MICALL2: variants seen among roughly 807,000 people sequenced by gnomAD.
The protein encoded by MICALL2 is MICAL like 2.
MICALL2 carries 111 observed loss-of-function variants against 91.1 expected under a neutral mutation model. The observed-to-expected ratio is 1.22, with a 90% CI of 1.04 to 1.43. MICALL2 has a LOEUF of 1.43. Among genes scored for constraint, MICALL2 ranks in the 40% most tolerant of loss-of-function variants. The pLI is 0.00. For synonymous variants in MICALL2, 694 were observed against 525.3 expected (o/e 1.32, Z -4.39); for missense variants, 1,556 against 1,236.0 (o/e 1.26, Z -3.88).
chr7:1,438,492 G>A (rs955699437), intron 10 of MICALL2, 139 bp from the exon 11 acceptor site: 11 of 1,471,410 alleles, frequency 7.5e-6, no homozygotes, highest in Admixed American at 2.2e-5. Flanking sequence ...CACGCCCACT[G>A]GACTGCCCTG....
chr7:1,442,360 C>G lies in MICALL2; in HGVS notation c.1543G>C (p.Glu515Gln), dbSNP rs1245854782. The change falls in exon 7 of 17, where the codon GAA (glutamate) becomes CAA (glutamine). Residue 515 changes from glutamate (E) to glutamine (Q), a missense_variant. Glu to Gln is a conservative substitution (Grantham distance 29, BLOSUM62 2). Coordinates refer to ENST00000297508, the MANE Select transcript of MICALL2 (RefSeq NM_182924.4). ...CTCGTGCTCAGCGGGGCTGGCGGTTCCATCCTCGAAGGGAGGCCAAGCACC... is the reference window on the plus strand; with the variant it reads ...CTCGTGCTCAGCGGGGCTGGCGGTTGCATCCTCGAAGGGAGGCCAAGCACC... ...PRVLGLPSRM[E>Q]PPAPLSTSST... The G allele has an allele frequency of 1.2e-6, 2 of 1,612,282 alleles. No homozygotes were observed. The highest frequency in any genetic ancestry group is 2.2e-5 in the South Asian group (2 of 90,988).
intron 1 of MICALL2, among the ~76,000 whole-genome samples, chr7:1,453,459 C>G (rs370112589): frequency 3.5e-4 from 54 of 152,308 alleles, no homozygotes; most frequent in African/African-American, 1.3e-3. Context: ...CCTGCTCACA[C>G]CTCCGTCCGG....
chr7:1,436,514 C>T (rs980883200), intron 15 of MICALL2, among the ~76,000 whole-genome samples: 1 of 148,652 alleles, frequency 6.7e-6, no homozygotes, highest in South Asian at 2.1e-4. Flanking sequence ...GATCGCACCA[C>T]TGCACTCCAG....
At chr7:1,447,371 A>C (rs542507959) in intron 4 of MICALL2, among the ~76,000 whole-genome samples, 7 of 151,946 alleles carry the variant, frequency 4.6e-5, no homozygotes, top group Non-Finnish European at 1.0e-4. Context: ...CCATCTGTAC[A>C]AAGTGGGATC....
In MICALL2 at chr7:1,435,128, T is replaced by C. The variant is rs762878613; in HGVS notation, c.2611A>G (p.Met871Val). The C allele has an allele frequency of 5.0e-6, 8 of 1,613,406 alleles. No homozygotes were observed. Among genetic ancestry groups the C allele is most frequent in the East Asian group, 2.2e-5 (1 of 44,880 alleles). ...DRLREQEEDQ[M>V]LRDMIEKLGL... ...AGCTTCTCAATCATGTCCCGCAGCA[T>C]CTGATCCTCCTCTTGTTCCCTGAAA... Residue 871 changes from methionine (M) to valine (V), a missense_variant, in exon 16 of 17, where the codon ATG becomes GTG. Coordinates refer to ENST00000297508, the MANE Select transcript of MICALL2 (RefSeq NM_182924.4).
At chr7:1,434,751 A>G in intron 16 of MICALL2, 79 bp from the exon 17 acceptor site, 1 of 1,394,112 alleles carries the variant, frequency 7.2e-7, no homozygotes, top group South Asian at 1.4e-5. Flanking sequence ...CCCCTGCCAG[A>G]AACATCCTTC....
chr7:1,435,383 C>A (rs1172437785), intron 15 of MICALL2, among the ~76,000 whole-genome samples: 3 of 147,780 alleles, frequency 2.0e-5, no homozygotes, highest in Admixed American at 2.0e-4. Flanking sequence ...GGCCCTGGGC[C>A]GACCACACAG....
intron 6 of MICALL2, among the ~76,000 whole-genome samples, chr7:1,442,834 C>G (rs1007434844): frequency 1.3e-5 from 2 of 152,196 alleles, no homozygotes; most frequent in South Asian, 2.1e-4. Flanking sequence ...ATATCCACCC[C>G]CTAAACACAC....
chr7:1,459,162 A>G, intron 1 of MICALL2, 22 bp downstream of exon 1: 2 of 1,597,770 alleles, frequency 1.3e-6, no homozygotes, highest in East Asian at 2.3e-5. Context: ...AGAAGAATCA[A>G]AGGGCGCCAG....
At chr7:1,437,342 A>C (rs866455359) in intron 14 of MICALL2, 193 bp downstream of exon 14, 33 of 567,220 alleles carry the variant, frequency 5.8e-5, no homozygotes, top group Non-Finnish European at 7.3e-5. Context: ...CAAGCACAGC[A>C]AGGTTAAGTA....
At position 1,438,945 on chromosome 7, in the gene MICALL2, G is replaced by T; in HGVS notation, c.2017C>A (p.Leu673Ile). 1.2e-6 allele frequency: 2 copies of T among 1,604,966 alleles called. No homozygotes were observed. The highest frequency in any genetic ancestry group is 1.7e-6 in the Non-Finnish European group (2 of 1,179,474). Residue 673 changes from leucine (L) to isoleucine (I), a missense_variant, in exon 10 of 17, where the codon CTC becomes ATC. Coordinates refer to ENST00000297508, the MANE Select transcript of MICALL2 (RefSeq NM_182924.4). ...RRRRLAVPASLDVCDNWLRPE... is the reference protein window; with the variant it reads ...RRRRLAVPASIDVCDNWLRPE... Reference sequence around the variant, plus strand: ...CGAAGCCAGTTGTCACAAACGTCGAGGCTGGCAGGGACGGCCAGTCTCCTG... The same window carrying T: ...CGAAGCCAGTTGTCACAAACGTCGATGCTGGCAGGGACGGCCAGTCTCCTG...
At chr7:1,458,929 G>T (rs1222661241) in intron 1 of MICALL2, among the ~76,000 whole-genome samples, 1 of 152,240 alleles carries the variant, frequency 6.6e-6, no homozygotes, top group African/African-American at 2.4e-5. Context: ...CTGAAGCCAG[G>T]GCCCAGGAGC....
chr7:1,448,891 G>A, intron 2 of MICALL2, 130 bp from the exon 3 acceptor site: 6 of 1,122,214 alleles, frequency 5.3e-6, no homozygotes, highest in African/African-American at 1.6e-5. Context: ...CCGGAGCTGA[G>A]TTCTGCTCGC....
At chr7:1,436,381 T>TAAAAAAA (rs1779964541) in intron 15 of MICALL2, among the ~76,000 whole-genome samples, 1 of 103,356 alleles carries the variant, frequency 9.7e-6, no homozygotes, top group African/African-American at 5.9e-5. Flanking sequence ...AAACTTCGTC[T>TAAAAAAA]CAAAAAAAAC....
At chr7:1,435,408 A>G (rs111343003) in intron 15 of MICALL2, among the ~76,000 whole-genome samples, 32,819 of 149,964 alleles carry the variant, frequency 0.22, 4,633 homozygotes, top group African/African-American at 0.39. Flanking sequence ...CCTGGGACAG[A>G]AGGGCCTGGG....
intron 1 of MICALL2, among the ~76,000 whole-genome samples, chr7:1,455,676 G>A (rs912798494): frequency 2.0e-5 from 3 of 151,910 alleles, no homozygotes; most frequent in African/African-American, 7.2e-5. Context: ...CCAGGAGCCC[G>A]GGTGCCCCAC....
rs950119348 is a variant in MICALL2 at position 1,451,465 on chromosome 7, G to A, written c.144-1177C>T. The stretch of plus-strand genomic sequence containing the variant: ...AAGGATTGCTTGAGCCCAGGAATTC[G>A]AGATCAGCCTGGGTAACACACTGAG... On this transcript the variant is annotated intron_variant, in intron 1 of 16. Coordinates refer to ENST00000297508, the MANE Select transcript of MICALL2 (RefSeq NM_182924.4). This position sits in a 1 kb window ranked among gnomAD's most constrained non-coding sequence, Gnocchi z 4.5. Among the ~76,000 whole-genome samples the A allele has an allele frequency of 1.3e-5, 2 of 152,180 alleles. No individual in the cohort carries two copies. The highest frequency in any genetic ancestry group is 2.9e-5 in the Non-Finnish European group (2 of 68,026).
intron 9 of MICALL2, 96 bp from the exon 10 acceptor site, chr7:1,439,091 C>T (rs908970447): frequency 6.0e-6 from 6 of 1,000,898 alleles, no homozygotes; most frequent in African/African-American, 1.6e-5. Flanking sequence ...CTGGGTAGCC[C>T]GGCCATCCCC....
rs866008055 is a variant in MICALL2, at chr7:1,452,417, C to G, written c.144-2129G>C. 5.9e-5 allele frequency among the ~76,000 whole-genome samples: 9 copies of G among 152,098 alleles called. No individual in the cohort carries two copies. The highest frequency in any genetic ancestry group is 2.2e-4 in the African/African-American group (9 of 41,406). On this transcript the variant is annotated intron_variant, in intron 1 of 16. Transcript: ENST00000297508. This position sits in a 1 kb window ranked among gnomAD's most constrained non-coding sequence, Gnocchi z 6.2. ...AGCCCCCAGGGCTTAGGAGCCGGCT[C>G]TCCCTCCCTCTCTCCCCGCCCCCAG...
Sources: allele counts gnomAD v4.1 joint callset (sites outside exome capture counted in the v4.1 genomes callset), GRCh38; gene constraint gnomAD v4.1.1; non-coding constraint Gnocchi (gnomAD v3.1); transcripts MANE v1.5; gene names NCBI Gene and HGNC (gene_info 2026-07-23, HGNC 2026-07-21).